TRHDE: variants seen among roughly 807,000 people sequenced by gnomAD.
TRHDE encodes thyrotropin releasing hormone degrading enzyme.
A neutral mutation model predicts 125.7 loss-of-function variants in TRHDE; 72 were observed. That is an observed-to-expected ratio of 0.57 (90% confidence interval 0.47 to 0.70). The LOEUF (loss-of-function observed/expected upper bound fraction) is 0.70. Among genes scored for constraint, TRHDE ranks in the 30% least tolerant of loss-of-function variants. The pLI is 0.00. For missense variants in TRHDE, 1,110 were observed against 1,327.1 expected (o/e 0.84, Z 2.54); for synonymous variants, 509 against 509.1 (o/e 1.00, Z 0.00).
intron 2 of TRHDE, among the ~76,000 whole-genome samples, chr12:72,346,994 CTG>C (rs1042192777): frequency 6.6e-6 from 1 of 152,028 alleles, no homozygotes; most frequent in Non-Finnish European, 1.5e-5. Context: ...ATGGTGTTCT[CTG>C]TGTGTATGTG....
intron 9 of TRHDE, among the ~76,000 whole-genome samples, chr12:72,567,360 T>A (rs770224678): frequency 6.6e-6 from 1 of 151,990 alleles, no homozygotes. Flanking sequence ...TTAAGAACTG[T>A]AAACATATTA....
chr12:72,257,198 C>T (rs995891907), intron 2 of TRHDE: 1 of 152,146 alleles, frequency 6.6e-6, no homozygotes, highest in South Asian at 2.1e-4. Context: ...AATCTGAAAT[C>T]CGATGCTCCA....
Position 72,601,838 on chromosome 12 carries a change from A to T in TRHDE, c.2322-17053A>T, listed in dbSNP as rs535613190. 5.9e-5 allele frequency among the ~76,000 whole-genome samples: 9 copies of T among 152,296 alleles called. No individual in the cohort carries two copies. The South Asian group carries it at 1.9e-3, about 32-fold the overall frequency. ...TACAACGTAAATGTAATTTTTATAT[A>T]CACTGGAAAACCAAAAAAATTTGTG... is the stretch of plus-strand genomic sequence containing the variant. On this transcript the variant is annotated intron_variant, in intron 12 of 18. Transcript: ENST00000261180.
chr12:72,626,738 T>A (rs1198706996), intron 15 of TRHDE, among the ~76,000 whole-genome samples: 1 of 152,006 alleles, frequency 6.6e-6, no homozygotes, highest in South Asian at 2.1e-4. Context: ...ACTGTGTTCC[T>A]TTATGTCTGA....
chr12:72,424,231 C>A (rs1239425492), intron 3 of TRHDE, among the ~76,000 whole-genome samples: 1 of 152,068 alleles, frequency 6.6e-6, no homozygotes, highest in Non-Finnish European at 1.5e-5. Flanking sequence ...CTTGGTGGTC[C>A]TTGGCTTGCC....
intron 6 of TRHDE, among the ~76,000 whole-genome samples, chr12:72,528,280 A>T (rs1377070648): frequency 6.6e-6 from 1 of 152,208 alleles, no homozygotes; most frequent in Non-Finnish European, 1.5e-5. Context: ...CTTCACTAAC[A>T]TTAATCACGT....
chr12:72,441,667 G>A (rs1184179210), intron 3 of TRHDE, among the ~76,000 whole-genome samples: 1 of 151,800 alleles, frequency 6.6e-6, no homozygotes, highest in Non-Finnish European at 1.5e-5. Flanking sequence ...AGCTGTTATA[G>A]GTGTATTCTC....
At chr12:72,175,251 C>T (rs888555399) in intron 2 of TRHDE, among the ~76,000 whole-genome samples, 10 of 152,188 alleles carry the variant, frequency 6.6e-5, no homozygotes, top group Non-Finnish European at 1.0e-4. Context: ...ATGCACTGTT[C>T]GTTCTTCTGT....
chr12:72,568,378 T>G (rs757403765), intron 9 of TRHDE, among the ~76,000 whole-genome samples, 190 bp from the exon 10 acceptor site: 44 of 152,130 alleles, frequency 2.9e-4, no homozygotes, highest in Non-Finnish European at 5.6e-4. Context: ...AAAGGCCAAG[T>G]CTTCTTAATG....
chr12:72,414,441 G>T (rs145410122), intron 3 of TRHDE, among the ~76,000 whole-genome samples: 1 of 152,094 alleles, frequency 6.6e-6, no homozygotes, highest in Non-Finnish European at 1.5e-5. Context: ...GAAAAATAAA[G>T]AAAGAAGGAT....
chr12:72,465,869 AT>A (rs1293164462), intron 3 of TRHDE, among the ~76,000 whole-genome samples: 2 of 151,966 alleles, frequency 1.3e-5, no homozygotes, highest in Non-Finnish European at 2.9e-5. Context: ...TGTTTTCTTT[AT>A]TTTTTCCCTA....
intron 2 of TRHDE, among the ~76,000 whole-genome samples, chr12:72,352,049 C>G (rs1226020110): frequency 1.3e-5 from 2 of 151,860 alleles, no homozygotes; most frequent in African/African-American, 4.8e-5. Context: ...GACCATGAGC[C>G]TTTCAGAGTA....
intron 3 of TRHDE, among the ~76,000 whole-genome samples, chr12:72,410,791 C>T (rs1261273917): frequency 6.6e-6 from 1 of 151,286 alleles, no homozygotes; most frequent in Admixed American, 6.6e-5. Flanking sequence ...GATCAGGAAT[C>T]AGACAATGAT....
intron 5 of TRHDE, among the ~76,000 whole-genome samples, chr12:72,493,875 A>G (rs1877791601): frequency 6.6e-6 from 1 of 151,998 alleles, no homozygotes; most frequent in Non-Finnish European, 1.5e-5. Flanking sequence ...ACCCTGCCTA[A>G]GGCAGAATAA....
At chr12:72,569,123 C>A (rs1290090665) in intron 10 of TRHDE, among the ~76,000 whole-genome samples, 2 of 152,094 alleles carry the variant, frequency 1.3e-5, no homozygotes, top group East Asian at 3.9e-4. Context: ...GGGGCTTGGA[C>A]AGGTTAGCAA....
At chr12:72,594,775 A>G (rs964547062) in intron 12 of TRHDE, among the ~76,000 whole-genome samples, 1 of 152,028 alleles carries the variant, frequency 6.6e-6, no homozygotes, top group Admixed American at 6.6e-5. Context: ...TATATACCCA[A>G]AAGACTATAA....
chr12:72,163,768 T>A (rs1876685008), intron 2 of TRHDE, among the ~76,000 whole-genome samples: 1 of 152,220 alleles, frequency 6.6e-6, no homozygotes, highest in African/African-American at 2.4e-5. Flanking sequence ...CATCTTAGAA[T>A]GGGTTTAACA....
At chr12:72,632,409 C>T (rs1039022051) in intron 15 of TRHDE, among the ~76,000 whole-genome samples, 6 of 151,656 alleles carry the variant, frequency 4.0e-5, no homozygotes, top group Non-Finnish European at 5.9e-5. Flanking sequence ...AAGAGGCAGG[C>T]GATTATCAGG....
In TRHDE at chr12:72,121,071, G is replaced by A. The variant is rs549238249; in HGVS notation, n.279+15319G>A. On this transcript the variant is annotated intron_variant and non_coding_transcript_variant, in intron 2 of 4. Transcript: ENST00000548156. ...TAATTTTTGATCAATTCATCTTTTA[G>A]TCTTTCTGTTCAAGGTATGAGTAAT... Among the ~76,000 whole-genome samples, 8 of 152,124 alleles carry A rather than the reference G, an allele frequency of 5.3e-5. No homozygotes were observed. The South Asian group carries it at 1.7e-3, about 32-fold the overall frequency.
Sources: gnomAD v4.1 joint callset for allele counts (sites outside exome capture counted in the v4.1 genomes callset) on GRCh38, gnomAD v4.1.1 for gene constraint, MANE v1.5 for transcripts, NCBI Gene and HGNC (gene_info 2026-07-23, HGNC 2026-07-21) for gene names.